Variants in ZNF722 observed in about 807,000 individuals in gnomAD.
ZNF722 encodes the protein zinc finger protein 722, also known as zinc finger protein 479 pseudogene.
the ZNF722 span, chr7:64,016,019 G>A: frequency 2.5e-6 from 2 of 799,064 alleles, no homozygotes; most frequent in South Asian, 4.2e-5. Flanking sequence ...CCTTTAACAA[G>A]TTCCAAACCT....
At chr7:64,007,985 G>C in the ZNF722 span, among the ~76,000 whole-genome samples, 1 of 152,150 alleles carries the variant, frequency 6.6e-6, no homozygotes, top group African/African-American at 2.4e-5. Context: ...GCATTTCTCT[G>C]ATGACCAGTG....
At chr7:64,012,973 T>C in the ZNF722 span, among the ~76,000 whole-genome samples, 7 of 152,160 alleles carry the variant, frequency 4.6e-5, no homozygotes, top group Non-Finnish European at 7.3e-5. Flanking sequence ...ATGTGACATG[T>C]TTGGTTCTTT....
the ZNF722 span, chr7:64,016,014 A>T: frequency 2.4e-6 from 2 of 829,948 alleles, no homozygotes; most frequent in Non-Finnish European, 3.6e-6. Context: ...ACAAACCTTT[A>T]ACAAGTTCCA....
At chr7:64,013,037 C>T in the ZNF722 span, among the ~76,000 whole-genome samples, 1 of 152,156 alleles carries the variant, frequency 6.6e-6, no homozygotes, top group East Asian at 1.9e-4. Flanking sequence ...GAAGCAGATG[C>T]TGGCATATAC....
chr7:64,008,383 C>A, the ZNF722 span, among the ~76,000 whole-genome samples: 1 of 152,144 alleles, frequency 6.6e-6, no homozygotes, highest in Non-Finnish European at 1.5e-5. Flanking sequence ...TTAGATCTAA[C>A]ATTTGAGTCT....
chr7:64,017,545 A>G, the ZNF722 span, among the ~76,000 whole-genome samples: 1 of 152,234 alleles, frequency 6.6e-6, no homozygotes. Flanking sequence ...TATGCATTTT[A>G]TGTTAAAGGA....
At chr7:64,001,426 GTTC>G in the ZNF722 span, among the ~76,000 whole-genome samples, 1 of 152,142 alleles carries the variant, frequency 6.6e-6, no homozygotes, top group Non-Finnish European at 1.5e-5. Flanking sequence ...ACATGATGTT[GTTC>G]TTCCTTATAG....
At chr7:64,004,425 AAT>A in the ZNF722 span, among the ~76,000 whole-genome samples, 462 of 61,084 alleles carry the variant, frequency 7.6e-3, 18 homozygotes, top group African/African-American at 0.029. Context: ...AAAAAAAAAA[AAT>A]ATATATATAT....
the ZNF722 span, among the ~76,000 whole-genome samples, chr7:64,007,671 T>C: frequency 6.6e-6 from 1 of 152,206 alleles, no homozygotes; most frequent in African/African-American, 2.4e-5. Flanking sequence ...TTCCAAGTCT[T>C]TACTATTGTT....
At chr7:64,015,450 A>C in the ZNF722 span, 1 of 1,606,454 alleles carries the variant, frequency 6.2e-7, no homozygotes, top group African/African-American at 1.3e-5. Context: ...CTCAAACTGT[A>C]CTACACATAA....
the ZNF722 span, among the ~76,000 whole-genome samples, chr7:64,004,086 A>C: frequency 6.6e-6 from 1 of 152,114 alleles, no homozygotes; most frequent in African/African-American, 2.4e-5. Flanking sequence ...TCGACTTTGC[A>C]TAAAACTGAT....
At chr7:64,005,615 C>A in the ZNF722 span, 3 of 1,140,932 alleles carry the variant, frequency 2.6e-6, no homozygotes, top group Non-Finnish European at 4.0e-6. Context: ...TTTTCAGAGA[C>A]TGTTGACATT....
At chr7:64,003,673 TA>T in the ZNF722 span, among the ~76,000 whole-genome samples, 1 of 152,146 alleles carries the variant, frequency 6.6e-6, no homozygotes, top group Non-Finnish European at 1.5e-5. Flanking sequence ...TGAAAAAAAA[TA>T]TTTTTTCTAT....
At chr7:64,004,420 AAAAAAAT>A in the ZNF722 span, among the ~76,000 whole-genome samples, 7 of 85,898 alleles carry the variant, frequency 8.1e-5, no homozygotes, top group African/African-American at 3.0e-4. Flanking sequence ...TAAAAAAAAA[AAAAAAAT>A]ATATATATAT....
At chr7:64,005,996 C>A in the ZNF722 span, among the ~76,000 whole-genome samples, 5 of 152,078 alleles carry the variant, frequency 3.3e-5, no homozygotes, top group African/African-American at 1.2e-4. Context: ...GCGTTTCCCA[C>A]GCCTTAGAAT....
the ZNF722 span, among the ~76,000 whole-genome samples, chr7:64,007,020 T>C: frequency 1.3e-5 from 2 of 151,776 alleles, no homozygotes; most frequent in African/African-American, 4.8e-5. Flanking sequence ...ATTTTTATGA[T>C]GGCTGCATCT....
chr7:64,007,663 C>G, the ZNF722 span, among the ~76,000 whole-genome samples: 1 of 152,080 alleles, frequency 6.6e-6, no homozygotes, highest in Non-Finnish European at 1.5e-5. Context: ...TGGGTTGGTT[C>G]CAAGTCTTTA....
chr7:63,999,048 C>A, the ZNF722 span: 2 of 1,559,404 alleles, frequency 1.3e-6, no homozygotes, highest in African/African-American at 1.4e-5. Flanking sequence ...ACGGTTGGAA[C>A]CGGCTGAAAG....
chr7:64,005,746 A>T, the ZNF722 span: 70 of 1,540,816 alleles, frequency 4.5e-5, no homozygotes, highest in South Asian at 4.3e-4. Context: ...TGGGTGAGGA[A>T]AACTTCAATA....
Sources: allele counts gnomAD v4.1 joint callset (sites outside exome capture counted in the v4.1 genomes callset), GRCh38; gene constraint gnomAD v4.1.1; transcripts MANE v1.5; gene names NCBI Gene and HGNC (gene_info 2026-07-23, HGNC 2026-07-21).